CACNA1C: variants seen among roughly 807,000 people sequenced by gnomAD.
The protein encoded by CACNA1C is voltage-dependent L-type calcium channel subunit alpha-1C.
In CACNA1C, 30 loss-of-function variants were observed where a neutral mutation model predicts 229.0. The ratio of observed to expected loss-of-function variants is 0.13; its 90% CI spans 0.10 to 0.18. CACNA1C has a LOEUF of 0.18. Ranked by LOEUF, CACNA1C falls within the 10% of genes least tolerant of loss-of-function variation. CACNA1C has a pLI of 1.00. For synonymous variants in CACNA1C, 1,114 were observed against 1,132.5 expected (o/e 0.98, Z 0.33); for missense variants, 1,658 against 2,845.0 (o/e 0.58, Z 9.49).
At chr12:2,166,676 G>A (rs2096250926) in intron 3 of CACNA1C, among the ~76,000 whole-genome samples, 1 of 152,216 alleles carries the variant, frequency 6.6e-6, no homozygotes, top group South Asian at 2.1e-4. Flanking sequence ...AAATGGGTTA[G>A]TATTTGTTAA....
chr12:2,598,255 C>G (rs1462205320), intron 21 of CACNA1C, among the ~76,000 whole-genome samples: 2 of 152,202 alleles, frequency 1.3e-5, no homozygotes, highest in Non-Finnish European at 2.9e-5. Context: ...GCCCCCAGCC[C>G]TTGCCTGCTG....
chr12:2,099,713 G>A (rs1345891181), intron 1 of CACNA1C, among the ~76,000 whole-genome samples: 1 of 151,952 alleles, frequency 6.6e-6, no homozygotes, highest in Non-Finnish European at 1.5e-5. Context: ...CTGTGGCCAC[G>A]CCAGTGCCAG....
chr12:2,040,272 TTCCCA>T (rs1004355143), intron 1 of CACNA1C, among the ~76,000 whole-genome samples: 2 of 152,182 alleles, frequency 1.3e-5, no homozygotes, highest in African/African-American at 4.8e-5. Context: ...AGCTCTGTGC[TTCCCA>T]AACTCTTTTA....
At chr12:1,986,377 G>A (rs762857233) in intron 1 of CACNA1C, among the ~76,000 whole-genome samples, 7 of 152,150 alleles carry the variant, frequency 4.6e-5, no homozygotes, top group Non-Finnish European at 8.8e-5. Flanking sequence ...CGACTACAAA[G>A]TCAGGGTTTA....
At chr12:2,404,324 A>G (rs950090206) in intron 3 of CACNA1C, among the ~76,000 whole-genome samples, 3 of 152,060 alleles carry the variant, frequency 2.0e-5, no homozygotes, top group Non-Finnish European at 2.9e-5. Flanking sequence ...TTTCTGGGTG[A>G]AGCACATCTC....
At chr12:2,501,383 G>A (rs1387035862) in intron 7 of CACNA1C, among the ~76,000 whole-genome samples, 1 of 152,118 alleles carries the variant, frequency 6.6e-6, no homozygotes, top group East Asian at 1.9e-4. Context: ...GCAGGTGCCT[G>A]GGACTCCCAT....
upstream of CACNA1C, among the ~76,000 whole-genome samples, chr12:2,051,043 T>C (rs992208070): frequency 1.3e-5 from 2 of 152,150 alleles, no homozygotes; most frequent in African/African-American, 2.4e-5. Context: ...ATAAAGTTAA[T>C]GAATAAGTAA....
chr12:2,567,808 C>T lies in CACNA1C; in HGVS notation c.1895+14C>T, dbSNP rs1211749091. ...CAAGATCACGAGGTACTGGGCTCCC[C>T]CTCTCACTTTGAAGAGGGGACTCAG... On this transcript the variant is annotated intron_variant, in intron 13 of 46. Coordinates refer to ENST00000399655, the MANE Select transcript of CACNA1C (RefSeq NM_000719.7). 2 of 1,538,754 alleles carry T rather than the reference C, an allele frequency of 1.3e-6. No individual in the cohort carries two copies. Among genetic ancestry groups the T allele is most frequent in the Non-Finnish European group, 1.8e-6 (2 of 1,115,410 alleles).
At chr12:2,278,022 C>G (rs2089587405) in intron 3 of CACNA1C, among the ~76,000 whole-genome samples, 2 of 152,180 alleles carry the variant, frequency 1.3e-5, no homozygotes, top group African/African-American at 4.8e-5. Flanking sequence ...GCTGACAGGC[C>G]TCAAGCCTGC....
chr12:2,414,706 A>G (rs2098845895), intron 3 of CACNA1C, among the ~76,000 whole-genome samples: 2 of 152,092 alleles, frequency 1.3e-5, no homozygotes, highest in South Asian at 2.1e-4. Flanking sequence ...GGCTCTGAGA[A>G]GTCCTGTAGC....
intron 9 of CACNA1C, among the ~76,000 whole-genome samples, chr12:2,514,682 G>C (rs1475869828): frequency 6.6e-6 from 1 of 152,130 alleles, no homozygotes; most frequent in Non-Finnish European, 1.5e-5. Flanking sequence ...GTGACTGACG[G>C]TGATGAGCAT....
intron 7 of CACNA1C, among the ~76,000 whole-genome samples, chr12:2,497,463 T>C (rs142243642): frequency 0.028 from 4,281 of 152,274 alleles, 84 homozygotes; most frequent in Middle Eastern, 0.044. Context: ...CACTAGAGGA[T>C]GTGTTTCTAG....
rs2059792285 is a variant in CACNA1C at position 2,067,485 on chromosome 12, C to CGCGTGT, written c.49+13880_49+13885dup. 2.5e-5 allele frequency among the ~76,000 whole-genome samples: 1 copy of CGCGTGT among 39,546 alleles called. No homozygotes were observed. The highest frequency in any genetic ancestry group is 6.4e-5 in the African/African-American group (1 of 15,620). 25.9% of individuals were successfully genotyped at this position (39,546 alleles called of 152,430 possible). On this transcript the variant is annotated intron_variant, in intron 1 of 46. Transcript: ENST00000399655. The surrounding 1 kb of genome is among the most constrained non-coding windows in gnomAD (Gnocchi z 5.3). ...GTGTGTGTGTGTGTGTGTGTGTGCG[C>CGCGTGT]GCGTGTGCGTGCCTGTATGTAAGGG...
At chr12:2,413,832 C>A (rs2098835221) in intron 3 of CACNA1C, among the ~76,000 whole-genome samples, 1 of 152,236 alleles carries the variant, frequency 6.6e-6, no homozygotes, top group South Asian at 2.1e-4. Flanking sequence ...AGCTCAAATG[C>A]CTCCCGTTCC....
intron 1 of CACNA1C, among the ~76,000 whole-genome samples, chr12:2,068,520 A>G (rs1158026249): frequency 6.6e-6 from 1 of 152,210 alleles, no homozygotes; most frequent in Non-Finnish European, 1.5e-5. Flanking sequence ...TTCCCAAAAG[A>G]GGCACAGTTG....
At chr12:2,385,300 G>A (rs566013234) in intron 3 of CACNA1C, among the ~76,000 whole-genome samples, 71 of 152,128 alleles carry the variant, frequency 4.7e-4, no homozygotes, top group African/African-American at 1.6e-3. Context: ...GGTACTGCAC[G>A]GCCGGGCCAG....
chr12:2,072,166 A>C (rs1016413003), intron 1 of CACNA1C, among the ~76,000 whole-genome samples: 2 of 151,374 alleles, frequency 1.3e-5, no homozygotes, highest in South Asian at 4.2e-4. Flanking sequence ...GTATGCAACA[A>C]GATTATATAT....
At chr12:2,171,992 A>G (rs2096500182) in intron 3 of CACNA1C, among the ~76,000 whole-genome samples, 1 of 152,196 alleles carries the variant, frequency 6.6e-6, no homozygotes, top group South Asian at 2.1e-4. Flanking sequence ...GGGAGGACAG[A>G]GACCAGTCTC....
At chr12:2,490,446 A>G (rs1221604403) in intron 6 of CACNA1C, among the ~76,000 whole-genome samples, 1 of 152,090 alleles carries the variant, frequency 6.6e-6, no homozygotes, top group African/African-American at 2.4e-5. Flanking sequence ...TGCAAGAAAA[A>G]GATGCAAGCT....
Sources: gnomAD v4.1 joint callset for allele counts (sites outside exome capture counted in the v4.1 genomes callset) on GRCh38, gnomAD v4.1.1 for gene constraint, Gnocchi (gnomAD v3.1) non-coding constraint, MANE v1.5 for transcripts, NCBI Gene and HGNC (gene_info 2026-07-23, HGNC 2026-07-21) for gene names.